Variants in KHDRBS3 observed in about 807,000 individuals in gnomAD.
The protein encoded by KHDRBS3 is KH domain-containing, RNA-binding, signal transduction-associated protein 3.
In KHDRBS3, 23 loss-of-function variants were observed where a neutral mutation model predicts 45.6. The observed-to-expected ratio is 0.50, with a 90% confidence interval of 0.36 to 0.72. KHDRBS3 has a LOEUF of 0.72. KHDRBS3 is among the 30% of genes least tolerant of loss of function. The pLI is 0.00. For missense variants in KHDRBS3, 352 were observed against 424.8 expected, an observed-to-expected ratio of 0.83 and a Z score of 1.51; for synonymous variants, 162 against 156.5, an observed-to-expected ratio of 1.04 and a Z score of -0.26.
At chr8:135,463,535 T>TAA (rs1821538671) in intron 1 of KHDRBS3, among the ~76,000 whole-genome samples, 1 of 152,210 alleles carries the variant, frequency 6.6e-6, no homozygotes, top group African/African-American at 2.4e-5. Flanking sequence ...ATCAGATGTT[T>TAA]ATTTACTTTT....
intron 1 of KHDRBS3, among the ~76,000 whole-genome samples, chr8:135,471,055 T>A (rs1821991092): frequency 6.6e-6 from 1 of 152,196 alleles, no homozygotes; most frequent in African/African-American, 2.4e-5. Context: ...CAAGTTTTCT[T>A]GTTTTCCTCC....
At chr8:135,647,936 G>C (rs1132837), downstream of KHDRBS3, 3 of 152,156 alleles carry the variant, frequency 2.0e-5, no homozygotes, top group South Asian at 2.1e-4. Flanking sequence ...TTTTCATCTT[G>C]TTGAGCGTTT....
At chr8:135,514,334 G>A (rs989664058) in intron 1 of KHDRBS3, among the ~76,000 whole-genome samples, 1 of 152,168 alleles carries the variant, frequency 6.6e-6, no homozygotes, top group South Asian at 2.1e-4. Flanking sequence ...ACCAATGAAT[G>A]GATAAACAAA....
intron 7 of KHDRBS3, among the ~76,000 whole-genome samples, chr8:135,626,432 T>G (rs1830362721): frequency 1.3e-5 from 2 of 152,220 alleles, no homozygotes; most frequent in African/African-American, 4.8e-5. Flanking sequence ...GACATCAGCA[T>G]GTCCTCTGTG....
chr8:135,587,531 A>G (rs2130947800), intron 6 of KHDRBS3, among the ~76,000 whole-genome samples: 1 of 152,370 alleles, frequency 6.6e-6, no homozygotes, highest in East Asian at 1.9e-4. Flanking sequence ...CTTTTAACTT[A>G]GTAAAATTAG....
At chr8:135,511,987 T>G (rs765436149) in intron 1 of KHDRBS3, among the ~76,000 whole-genome samples, 1 of 152,224 alleles carries the variant, frequency 6.6e-6, no homozygotes, top group South Asian at 2.1e-4. Context: ...TAGACTGATA[T>G]GTGTCTCTAC....
intron 1 of KHDRBS3, among the ~76,000 whole-genome samples, chr8:135,502,259 A>G (rs1306100880): frequency 6.6e-6 from 1 of 151,976 alleles, no homozygotes; most frequent in South Asian, 2.1e-4. Context: ...GTCCTTCCCA[A>G]TCTGTCTACC....
In KHDRBS3 at chr8:135,608,589, G is replaced by A. The variant is rs73712091; in HGVS notation, c.890+1552G>A. On this transcript the variant is annotated intron_variant, in intron 7 of 8. Transcript: ENST00000355849. ...GGTAACAGGTGTGTGACTGTCAAGT[G>A]CATATTCTTAATCCTGGTACATTTG... Among the ~76,000 whole-genome samples, 1,341 of 152,300 alleles carry A rather than the reference G, an allele frequency of 8.8e-3. 13 individuals carry two copies. Among genetic ancestry groups the A allele is most frequent in the African/African-American group, 0.024 (993 of 41,552 alleles).
intron 6 of KHDRBS3, among the ~76,000 whole-genome samples, chr8:135,599,813 T>G (rs999809028): frequency 7.9e-5 from 12 of 152,148 alleles, no homozygotes; most frequent in African/African-American, 2.2e-4. Context: ...ACCAAAAAGG[T>G]GATGTCAGAG....
intron 1 of KHDRBS3, among the ~76,000 whole-genome samples, chr8:135,479,338 AG>A (rs1445839669): frequency 4.6e-5 from 7 of 152,242 alleles, no homozygotes; most frequent in Non-Finnish European, 1.0e-4. Flanking sequence ...GCTGAGATCC[AG>A]GTGGCGTCAC....
chr8:135,474,031 C>T (rs1487604553), intron 1 of KHDRBS3, among the ~76,000 whole-genome samples: 5 of 152,134 alleles, frequency 3.3e-5, no homozygotes, highest in Non-Finnish European at 7.3e-5. Flanking sequence ...TTTTCAGTTC[C>T]TTTGCTCATA....
intron 1 of KHDRBS3, among the ~76,000 whole-genome samples, chr8:135,493,761 A>T (rs1054179409): frequency 2.0e-5 from 3 of 152,032 alleles, no homozygotes; most frequent in Admixed American, 6.6e-5. Flanking sequence ...TTCTTGTAAA[A>T]CTTTTGTGAT....
At chr8:135,574,662 C>T (rs1046945168) in intron 5 of KHDRBS3, among the ~76,000 whole-genome samples, 2 of 152,186 alleles carry the variant, frequency 1.3e-5, no homozygotes, top group Non-Finnish European at 2.9e-5. Flanking sequence ...TTTAAATATA[C>T]ACTAACTAAT....
At chr8:135,527,425 G>A (rs1230031528) in intron 2 of KHDRBS3, among the ~76,000 whole-genome samples, 1 of 152,192 alleles carries the variant, frequency 6.6e-6, no homozygotes, top group African/African-American at 2.4e-5. Context: ...AAGCACAGAA[G>A]GCATTTGGGG....
chr8:135,648,004 C>T (rs1316564491), downstream of KHDRBS3: 2 of 152,178 alleles, frequency 1.3e-5, no homozygotes, highest in Non-Finnish European at 2.9e-5. Flanking sequence ...ATGAACACCT[C>T]GCTCCATGCT....
In KHDRBS3 at chr8:135,647,443, C is replaced by G. The variant is rs898509934; in HGVS notation, c.*359C>G. The G allele has an allele frequency of 6.3e-6, 1 of 157,682 alleles. No homozygotes were observed. The highest frequency in any genetic ancestry group is 2.4e-5 in the African/African-American group (1 of 41,626). 9.8% of individuals were successfully genotyped at this position (157,682 alleles called of 1,614,324 possible). A position where few individuals can be genotyped will look rare whatever the true frequency, so the allele number is the denominator to read the frequency against. ...TTTCCATAGAATTTAGTTATTTTATCTTTCAGCCATATGCTAGTTTTTTTT... is the reference window on the plus strand; with the variant it reads ...TTTCCATAGAATTTAGTTATTTTATGTTTCAGCCATATGCTAGTTTTTTTT... On this transcript the variant is annotated 3_prime_UTR_variant, in exon 9 of 9. Transcript: ENST00000355849.
chr8:135,506,300 C>A (rs1823991078), intron 1 of KHDRBS3, among the ~76,000 whole-genome samples: 1 of 151,972 alleles, frequency 6.6e-6, no homozygotes, highest in Non-Finnish European at 1.5e-5. Context: ...TCAAGCTAGT[C>A]AGCAGGACAG....
At position 135,612,988 on chromosome 8, in the gene KHDRBS3, T is replaced by C. The variant is rs545976792; in HGVS notation, c.890+5951T>C. 2.0e-5 allele frequency among the ~76,000 whole-genome samples: 3 copies of C among 151,974 alleles called. No homozygotes were observed. In the East Asian group the frequency reaches 5.8e-4, roughly 29 times the overall value. On this transcript the variant is annotated intron_variant, in intron 7 of 8. Transcript: ENST00000355849. ...AGCTCTCTATTACAGTGTCTTCTCA[T>C]AGACAGCACTGAGTTAAATGATTCT...
intron 6 of KHDRBS3, among the ~76,000 whole-genome samples, chr8:135,592,837 T>G (rs1208210793): frequency 2.6e-5 from 4 of 152,116 alleles, no homozygotes; most frequent in Admixed American, 1.3e-4. Flanking sequence ...GAGCAAATTC[T>G]GGAAAGGCAA....
Sources: gnomAD v4.1 joint callset for allele counts (sites outside exome capture counted in the v4.1 genomes callset) on GRCh38, gnomAD v4.1.1 for gene constraint, MANE v1.5 for transcripts, NCBI Gene and HGNC (gene_info 2026-07-23, HGNC 2026-07-21) for gene names.